The following RAP1A variants were observed in gnomAD, a reference collection of about 807,000 sequenced individuals.
The protein encoded by RAP1A is ras-related protein Rap-1A.
Under a neutral mutation model 26.4 loss-of-function variants are expected in RAP1A, and 6 were observed. That is an observed-to-expected ratio of 0.23 (90% CI 0.12 to 0.45). The LOEUF (loss-of-function observed/expected upper bound fraction) is 0.45. RAP1A is among the 20% of genes least tolerant of loss of function. The pLI, the probability that RAP1A is intolerant of heterozygous loss-of-function variation, is 0.99. For synonymous variants in RAP1A, 73 were observed against 79.4 expected, an observed-to-expected ratio of 0.92 and a Z score of 0.43; for missense variants, 121 against 217.2, an observed-to-expected ratio of 0.56 and a Z score of 2.78.
chr1:111,613,818 C>T (rs758801944), intron 1 of RAP1A, among the ~76,000 whole-genome samples: 7 of 152,164 alleles, frequency 4.6e-5, no homozygotes, highest in Non-Finnish European at 1.0e-4. Context: ...TTTTGTGGAC[C>T]AGCATCAACA....
At chr1:111,617,776 G>A (rs1659044730), upstream of RAP1A, among the ~76,000 whole-genome samples, 1 of 146,212 alleles carries the variant, frequency 6.8e-6, no homozygotes, top group Non-Finnish European at 1.5e-5. Context: ...GGGCGCAGTG[G>A]CTCACACCTG....
At chr1:111,590,899 A>G (rs560842723) in intron 1 of RAP1A, among the ~76,000 whole-genome samples, 1 of 152,334 alleles carries the variant, frequency 6.6e-6, no homozygotes, top group Non-Finnish European at 1.5e-5. Flanking sequence ...TGCCAGCACT[A>G]TAAAATAAGT....
intron 1 of RAP1A, among the ~76,000 whole-genome samples, chr1:111,639,233 G>A (rs1175992548): frequency 6.6e-6 from 1 of 152,050 alleles, no homozygotes; most frequent in African/African-American, 2.4e-5. Flanking sequence ...TACCTTCAGA[G>A]TTATACATAG....
At chr1:111,662,278 C>T (rs1348143546) in intron 1 of RAP1A, among the ~76,000 whole-genome samples, 2 of 151,662 alleles carry the variant, frequency 1.3e-5, no homozygotes, top group African/African-American at 4.8e-5. Context: ...GCCTGTAGTC[C>T]CAGCTACTCG....
At chr1:111,548,278 C>T (rs997734749) in intron 1 of RAP1A, among the ~76,000 whole-genome samples, 1 of 152,218 alleles carries the variant, frequency 6.6e-6, no homozygotes, top group African/African-American at 2.4e-5. Flanking sequence ...ACCTCGGCCT[C>T]CCAAAGTGCT....
At chr1:111,705,206 GTTAACC>G (rs1662150382) in intron 6 of RAP1A, among the ~76,000 whole-genome samples, 1 of 152,126 alleles carries the variant, frequency 6.6e-6, no homozygotes, top group Non-Finnish European at 1.5e-5. Flanking sequence ...CCTTGCTTTT[GTTAACC>G]TTAACATAAG....
At chr1:111,616,585 C>T (rs1659019213), upstream of RAP1A, among the ~76,000 whole-genome samples, 1 of 152,188 alleles carries the variant, frequency 6.6e-6, no homozygotes, top group Non-Finnish European at 1.5e-5. Flanking sequence ...AAACCATTGA[C>T]TCTACCACTT....
At chr1:111,620,228 A>G (rs2101087646) in intron 1 of RAP1A, among the ~76,000 whole-genome samples, 1 of 152,266 alleles carries the variant, frequency 6.6e-6, no homozygotes, top group Non-Finnish European at 1.5e-5. Context: ...TGTGGGAGAG[A>G]AAGAGGACAT....
At position 111,714,699 on chromosome 1, in the gene RAP1A, G is replaced by C. The variant is rs1662484469; in HGVS notation, c.*2298G>C. ...CTGTGGTTGCTGAGCAGGATGAAAA[G>C]TATCCTGTTAGAAAGTGAGATAGGT... On this transcript the variant is annotated 3_prime_UTR_variant, in exon 8 of 8. Coordinates refer to ENST00000369709, the MANE Select transcript of RAP1A (RefSeq NM_002884.4). 6.6e-6 allele frequency: 1 copy of C among 152,220 alleles called. No individual in the cohort carries two copies. Among genetic ancestry groups the C allele is most frequent in the Non-Finnish European group, 1.5e-5 (1 of 68,044 alleles). 9.4% of individuals were successfully genotyped at this position (152,220 alleles called of 1,614,324 possible). A position where few individuals can be genotyped will look rare whatever the true frequency, so the allele number is the denominator to read the frequency against.
At chr1:111,634,690 G>A (rs1659674014) in intron 1 of RAP1A, among the ~76,000 whole-genome samples, 1 of 151,738 alleles carries the variant, frequency 6.6e-6, no homozygotes, top group South Asian at 2.1e-4. Flanking sequence ...CTGTTGCCAG[G>A]CTGGAGTGCA....
At chr1:111,682,199 A>G (rs1661319999) in intron 1 of RAP1A, among the ~76,000 whole-genome samples, 1 of 152,236 alleles carries the variant, frequency 6.6e-6, no homozygotes, top group Admixed American at 6.5e-5. Context: ...AGGAAGCACT[A>G]AATATGGAAA....
intron 1 of RAP1A, among the ~76,000 whole-genome samples, chr1:111,629,869 C>G (rs147602704): frequency 6.6e-6 from 1 of 152,290 alleles, no homozygotes; most frequent in East Asian, 1.9e-4. Flanking sequence ...ATAAGAGTCT[C>G]TTTTAAATAG....
At chr1:111,678,969 A>C (rs1192074244) in intron 1 of RAP1A, among the ~76,000 whole-genome samples, 1 of 152,244 alleles carries the variant, frequency 6.6e-6, no homozygotes, top group African/African-American at 2.4e-5. Context: ...ATATTGATAC[A>C]ATAAAAAGAA....
intron 1 of RAP1A, among the ~76,000 whole-genome samples, chr1:111,670,967 C>T (rs1489528629): frequency 6.6e-6 from 1 of 152,118 alleles, no homozygotes; most frequent in Non-Finnish European, 1.5e-5. Context: ...TGGAGAGTTA[C>T]AAAGGTGCAA....
rs34266778 is a variant in RAP1A at position 111,655,658 on chromosome 1, C to CTTTTTT, written c.-27-35654_-27-35649dup. 5.2e-4 allele frequency among the ~76,000 whole-genome samples: 44 copies of CTTTTTT among 85,160 alleles called. 3 individuals are homozygous for CTTTTTT. Among genetic ancestry groups the CTTTTTT allele is most frequent in the African/African-American group, 2.2e-3 (41 of 18,908 alleles). The allele number at this position is 85,160 out of a possible 152,430, so 55.9% of individuals were successfully genotyped here. On this transcript the variant is annotated intron_variant, in intron 1 of 7. Transcript: ENST00000369709. Reference sequence around the variant, plus strand: ...GAAGAACCTTAAAAATGTTCATAGTCTTTTTTTTTTTTTTTTTTTTTTTTT... The same window carrying CTTTTTT: ...GAAGAACCTTAAAAATGTTCATAGTCTTTTTTTTTTTTTTTTTTTTTTTTTTTTTTT...
intron 1 of RAP1A, among the ~76,000 whole-genome samples, chr1:111,550,124 A>C (rs1386579302): frequency 6.6e-6 from 1 of 152,164 alleles, no homozygotes; most frequent in Non-Finnish European, 1.5e-5. Context: ...GCAATTGCTC[A>C]TAGTATTGCC....
At chr1:111,591,117 T>C (rs1658464226) in intron 1 of RAP1A, among the ~76,000 whole-genome samples, 1 of 152,166 alleles carries the variant, frequency 6.6e-6, no homozygotes, top group Non-Finnish European at 1.5e-5. Context: ...TGAGTCAGTT[T>C]TGTAAGTTTT....
chr1:111,676,611 A>G (rs557836918), intron 1 of RAP1A, among the ~76,000 whole-genome samples: 40 of 152,312 alleles, frequency 2.6e-4, no homozygotes, highest in African/African-American at 7.9e-4. Context: ...ATTCAGTTCA[A>G]TAAGTTTTGG....
rs185875439 is a variant in RAP1A, at chr1:111,688,910, C to T, written c.-27-2424C>T. Among the ~76,000 whole-genome samples the T allele has an allele frequency of 6.6e-5, 10 of 151,064 alleles. No individual in the cohort carries two copies. The East Asian group carries it at 2.0e-3, about 30-fold the overall frequency. On this transcript the variant is annotated intron_variant, in intron 1 of 7. Transcript: ENST00000369709. ...AGTGCAGTGGGACAATCACAGATCA[C>T]TGCAACCTCTGCCTTCCGAGCTCAA... is the stretch of plus-strand genomic sequence containing the variant.
Sources: gnomAD v4.1 joint callset for allele counts (sites outside exome capture counted in the v4.1 genomes callset) on GRCh38, gnomAD v4.1.1 for gene constraint, MANE v1.5 for transcripts, NCBI Gene and HGNC (gene_info 2026-07-23, HGNC 2026-07-21) for gene names.